Variants in LRP1B observed in about 807,000 individuals in gnomAD.
The protein encoded by LRP1B is LDL receptor related protein 1B.
In LRP1B, 217 loss-of-function variants were observed where a neutral mutation model predicts 556.6. The observed-to-expected ratio is 0.39, with a 90% CI of 0.35 to 0.44. The LOEUF (loss-of-function observed/expected upper bound fraction) is 0.44, where lower values mean the gene tolerates loss of function less well. LRP1B is among the 20% of genes least tolerant of loss of function. The probability of loss-of-function intolerance (pLI) is 1.00; values close to 1 mark genes in which losing one functional copy is unlikely to be tolerated. For missense variants in LRP1B, 5,053 were observed against 5,620.8 expected, an observed-to-expected ratio of 0.90 and a Z score of 3.23; for synonymous variants, 2,047 against 1,865.8, an observed-to-expected ratio of 1.10 and a Z score of -2.50.
intron 3 of LRP1B, among the ~76,000 whole-genome samples, chr2:141,463,614 ATTATGTAT>A (rs1486772756): frequency 3.0e-5 from 3 of 100,924 alleles, no homozygotes; most frequent in Admixed American, 1.1e-4. Flanking sequence ...ATTATATATA[ATTATGTAT>A]TATATATTAT....
At chr2:141,109,582 T>C (rs1700696968) in intron 7 of LRP1B, among the ~76,000 whole-genome samples, 1 of 149,216 alleles carries the variant, frequency 6.7e-6, no homozygotes, top group East Asian at 2.0e-4. Flanking sequence ...ATGGAAAGAC[T>C]AGTAGGAAAG....
intron 66 of LRP1B, among the ~76,000 whole-genome samples, chr2:140,432,530 G>A (rs545932017): frequency 6.6e-6 from 1 of 152,184 alleles, no homozygotes; most frequent in Non-Finnish European, 1.5e-5. Flanking sequence ...CTCAGAGTCT[G>A]TTTGTATCAA....
At chr2:140,498,955 C>T (rs1689065356) in intron 55 of LRP1B, among the ~76,000 whole-genome samples, 1 of 151,858 alleles carries the variant, frequency 6.6e-6, no homozygotes, top group Non-Finnish European at 1.5e-5. Flanking sequence ...CTAGCTTTTA[C>T]ATGTTTACAT....
chr2:140,577,705 G>A (rs947343532), intron 43 of LRP1B, among the ~76,000 whole-genome samples: 1 of 152,160 alleles, frequency 6.6e-6, no homozygotes, highest in African/African-American at 2.4e-5. Flanking sequence ...ATATGGACAT[G>A]AGCCACCAAA....
rs556887343 is a variant in LRP1B at position 141,240,082 on chromosome 2, A to G, written c.592+7144T>C. 1.6e-4 allele frequency among the ~76,000 whole-genome samples: 24 copies of G among 152,220 alleles called. No individual in the cohort carries two copies. In the South Asian group the frequency reaches 4.8e-3, roughly 30 times the overall value. On this transcript the variant is annotated intron_variant, in intron 5 of 90. Transcript: ENST00000389484. ...GGATTATCTTTTGTGGGAGTCATCG[A>G]CAGAGGCTGTGTGAGTCCTAAAAGA... is the stretch of plus-strand genomic sequence containing the variant.
intron 41 of LRP1B, chr2:140,683,726 CCCGGG>C: frequency 1.3e-6 from 1 of 797,870 alleles, no homozygotes; most frequent in South Asian, 1.4e-5. Flanking sequence ...CTCTGTGCTC[CCCGGG>C]CTAGTCGATC....
intron 5 of LRP1B, among the ~76,000 whole-genome samples, chr2:141,241,714 C>CT (rs1683883966): frequency 6.6e-6 from 1 of 152,058 alleles, no homozygotes; most frequent in Admixed American, 6.6e-5. Context: ...CATTGAGCTA[C>CT]TTTTTTGCTA....
chr2:141,825,980 A>G (rs1267211515), intron 1 of LRP1B, among the ~76,000 whole-genome samples: 1 of 152,158 alleles, frequency 6.6e-6, no homozygotes, highest in African/African-American at 2.4e-5. Context: ...GCACATATTA[A>G]TTTTAAGTCA....
intron 2 of LRP1B, among the ~76,000 whole-genome samples, chr2:141,639,298 A>G (rs1252498547): frequency 5.8e-5 from 2 of 34,502 alleles, no homozygotes; most frequent in Non-Finnish European, 1.2e-4. Flanking sequence ...AGTACGCATC[A>G]TGTGTGTATA....
At chr2:141,220,968 C>G (rs1056927191) in intron 6 of LRP1B, among the ~76,000 whole-genome samples, 1 of 151,560 alleles carries the variant, frequency 6.6e-6, no homozygotes, top group Non-Finnish European at 1.5e-5. Context: ...CTAAAAAGTA[C>G]ACAGACCAAT....
At chr2:142,088,838 G>T (rs1197264372) in intron 1 of LRP1B, among the ~76,000 whole-genome samples, 2 of 151,882 alleles carry the variant, frequency 1.3e-5, no homozygotes, top group Non-Finnish European at 2.9e-5. Flanking sequence ...AGCCGGGCTT[G>T]GTGGTGGGTG....
intron 1 of LRP1B, among the ~76,000 whole-genome samples, chr2:141,924,468 G>A (rs1427612928): frequency 1.3e-5 from 2 of 152,134 alleles, no homozygotes; most frequent in African/African-American, 4.8e-5. Context: ...TAAGGATACA[G>A]AAAGCTCTCA....
intron 2 of LRP1B, among the ~76,000 whole-genome samples, chr2:141,494,648 A>G (rs1393216759): frequency 6.6e-6 from 1 of 151,596 alleles, no homozygotes; most frequent in African/African-American, 2.4e-5. Flanking sequence ...CTAAATACAC[A>G]GTATTTGGTG....
intron 43 of LRP1B, among the ~76,000 whole-genome samples, chr2:140,583,180 T>C (rs982821122): frequency 7.0e-5 from 10 of 143,508 alleles, no homozygotes; most frequent in South Asian, 2.3e-4. Flanking sequence ...TCTTTTTTTT[T>C]TTTTTTTTTT....
In LRP1B at chr2:140,868,462, C is replaced by A. The variant is rs549133570; in HGVS notation, c.4170-199G>T. On this transcript the variant is annotated intron_variant, in intron 25 of 90. Transcript: ENST00000389484. The stretch of plus-strand genomic sequence containing the variant: ...TAAGTGCATAAATATATAATTATGA[C>A]TCATAAAATATTTTGAAAAAAATTG... Among the ~76,000 whole-genome samples, 21 of 151,850 alleles carry A rather than the reference C, an allele frequency of 1.4e-4. No individual in the cohort carries two copies. The South Asian group carries it at 4.2e-3, about 30-fold the overall frequency.
chr2:142,092,442 C>A (rs2104952165), intron 1 of LRP1B, among the ~76,000 whole-genome samples: 1 of 152,018 alleles, frequency 6.6e-6, no homozygotes, highest in East Asian at 1.9e-4. Context: ...TGAACATTGC[C>A]CTCAAGGTCC....
At chr2:140,526,741 T>C (rs566113980) in intron 47 of LRP1B, among the ~76,000 whole-genome samples, 1 of 151,764 alleles carries the variant, frequency 6.6e-6, no homozygotes, top group East Asian at 1.9e-4. Flanking sequence ...TCTCTCTCTT[T>C]CCACCTTCAA....
At chr2:141,769,179 T>C (rs1694821633) in intron 2 of LRP1B, among the ~76,000 whole-genome samples, 1 of 152,182 alleles carries the variant, frequency 6.6e-6, no homozygotes, top group African/African-American at 2.4e-5. Context: ...GCAAGTCTCA[T>C]GTGGTAAGAA....
chr2:140,448,343 A>T (rs1370891606), intron 63 of LRP1B, among the ~76,000 whole-genome samples: 1 of 152,190 alleles, frequency 6.6e-6, no homozygotes, highest in Non-Finnish European at 1.5e-5. Flanking sequence ...TAACCAATAT[A>T]TGAAATCAAC....
Sources: gnomAD v4.1 joint callset for allele counts (sites outside exome capture counted in the v4.1 genomes callset) on GRCh38, gnomAD v4.1.1 for gene constraint, MANE v1.5 for transcripts, NCBI Gene and HGNC (gene_info 2026-07-23, HGNC 2026-07-21) for gene names.